The following L3MBTL1 variants were observed in gnomAD, a reference collection of about 807,000 sequenced individuals.
L3MBTL1 encodes L3MBTL histone methyl-lysine binding protein 1, also known as lethal(3)malignant brain tumor-like protein 1.
A neutral mutation model predicts 105.3 loss-of-function variants in L3MBTL1; 75 were observed. The ratio of observed to expected loss-of-function variants is 0.71; its 90% CI spans 0.59 to 0.86. The LOEUF is 0.86. L3MBTL1 is among the 40% of genes least tolerant of loss of function. The pLI is 0.00. For missense variants in L3MBTL1, 1,069 were observed against 1,126.4 expected, an observed-to-expected ratio of 0.95 and a Z score of 0.73; for synonymous variants, 452 against 436.2, an observed-to-expected ratio of 1.04 and a Z score of -0.45.
At chr20:43,519,212 C>A (rs1352012703) in intron 7 of L3MBTL1, among the ~76,000 whole-genome samples, 2 of 151,516 alleles carry the variant, frequency 1.3e-5, no homozygotes, top group Non-Finnish European at 1.5e-5. Context: ...TGTTGAGCAT[C>A]TGTGGTCCCA....
chr20:43,550,608 C>T (rs772436125), exon 19 of L3MBTL1: 1 of 152,278 alleles, frequency 6.6e-6, no homozygotes, highest in South Asian at 2.1e-4. Context: ...CCTCTGCCCT[C>T]CTAGCAACAG....
Position 43,541,166 on chromosome 20 carries a change from A to C in L3MBTL1, c.*38A>C, listed in dbSNP as rs1341632578. 6.3e-7 allele frequency: 1 copy of C among 1,594,126 alleles called. No individual in the cohort carries two copies. Among genetic ancestry groups the C allele is most frequent in the South Asian group, 1.1e-5 (1 of 89,346 alleles). ...TCCCCTTTAATCCAATATAGTTGAT[A>C]ATTAAAGTGTATTTTGAATGACACA... On this transcript the variant is annotated 3_prime_UTR_variant, in exon 22 of 22. Coordinates refer to ENST00000418998, the MANE Select transcript of L3MBTL1 (RefSeq NM_001377303.1).
exon 19 of L3MBTL1, chr20:43,549,948 T>G (rs1383267981): frequency 6.6e-6 from 1 of 152,336 alleles, no homozygotes; most frequent in South Asian, 2.1e-4. Context: ...GAGGAAGCCA[T>G]TCAGCTCCCA....
Position 43,522,457 on chromosome 20 carries a change from G to GTTTTTTTTTTTTTTTTTT in L3MBTL1, c.863-6186_863-6169dup, listed in dbSNP as rs1176856356. 2.8e-4 allele frequency among the ~76,000 whole-genome samples: 27 copies of GTTTTTTTTTTTTTTTTTT among 95,872 alleles called. 2 individuals carry two copies. The highest frequency in any genetic ancestry group is 7.5e-4 in the East Asian group (2 of 2,654). The allele number at this position is 95,872 out of a possible 152,430, so 62.9% of individuals were successfully genotyped here. A position where few individuals can be genotyped will look rare whatever the true frequency, so the allele number is the denominator to read the frequency against. On this transcript the variant is annotated intron_variant, in intron 7 of 21. Transcript: ENST00000418998. ...TGGTAACTGAATTTTTCCCTGCTAA[G>GTTTTTTTTTTTTTTTTTT]TTTTTTTTTTTTTTTTTTTTTTTTT...
exon 19 of L3MBTL1, chr20:43,548,249 G>T: frequency 1.5e-6 from 2 of 1,303,150 alleles, no homozygotes; most frequent in South Asian, 2.5e-5. Flanking sequence ...AAAGTGACTG[G>T]CCCAGGGCTG....
chr20:43,546,291 A>G (rs1272114874), downstream of L3MBTL1, among the ~76,000 whole-genome samples: 1 of 152,230 alleles, frequency 6.6e-6, no homozygotes, highest in Non-Finnish European at 1.5e-5. Flanking sequence ...GGGCAGGGCC[A>G]GGCTTGGGCA....
rs141344954 is a variant in L3MBTL1, at chr20:43,523,633, G to A, written c.863-5024G>A. On this transcript the variant is annotated intron_variant, in intron 7 of 21. Coordinates refer to ENST00000418998, the MANE Select transcript of L3MBTL1 (RefSeq NM_001377303.1). ...ACTATAGCAGGCCTGCATTTGCACC[G>A]CTCTCCTGAAGGTCTGTACTGGTCA... 388 of 207,976 alleles carry A rather than the reference G, an allele frequency of 1.9e-3. 5 individuals are homozygous for A. The highest frequency in any genetic ancestry group is 9.7e-3 in the East Asian group (88 of 9,060). The allele number at this position is 207,976 out of a possible 1,614,324, so 12.9% of individuals were successfully genotyped here.
chr20:43,513,464 T>G lies in L3MBTL1; in HGVS notation c.-28-12T>G. 6.5e-7 allele frequency: 1 copy of G among 1,546,138 alleles called. No homozygotes were observed. Among genetic ancestry groups the G allele is most frequent in the Non-Finnish European group, 8.7e-7 (1 of 1,144,288 alleles). On this transcript the variant is annotated splice_polypyrimidine_tract_variant and intron_variant, in intron 1 of 21. Coordinates refer to ENST00000418998, the MANE Select transcript of L3MBTL1 (RefSeq NM_001377303.1). ...CCACCTGATCACCCTGGGGGCTATG[T>G]TTGGCTTGTAGGCCTGCCAGGATGG...
chr20:43,511,154 G>A (rs2018125472), intron 1 of L3MBTL1, among the ~76,000 whole-genome samples: 1 of 152,144 alleles, frequency 6.6e-6, no homozygotes, highest in African/African-American at 2.4e-5. Flanking sequence ...CCGGGTTCAA[G>A]CGATTCTCCT....
chr20:43,514,602 G>A (rs1423124690), intron 3 of L3MBTL1, 33 bp from the exon 4 acceptor site: 1 of 1,599,310 alleles, frequency 6.3e-7, no homozygotes, highest in African/African-American at 1.3e-5. Flanking sequence ...ACCCGTACGG[G>A]AGTCGCAATC....
At chr20:43,510,939 G>C (rs551012641) in intron 1 of L3MBTL1, among the ~76,000 whole-genome samples, 1 of 152,198 alleles carries the variant, frequency 6.6e-6, no homozygotes, top group Non-Finnish European at 1.5e-5. Context: ...GCCTAGGCTG[G>C]TCTTGAACTC....
At chr20:43,516,869 C>T (rs548802050) in intron 7 of L3MBTL1, among the ~76,000 whole-genome samples, 1 of 151,954 alleles carries the variant, frequency 6.6e-6, no homozygotes, top group South Asian at 2.1e-4. Context: ...ACACAGCTCA[C>T]TGAAGCCTTG....
intron 7 of L3MBTL1, among the ~76,000 whole-genome samples, chr20:43,525,077 G>A (rs1381519084): frequency 1.3e-5 from 2 of 151,566 alleles, no homozygotes; most frequent in Non-Finnish European, 2.9e-5. Context: ...AGATAACTAG[G>A]AGTTGGAATC....
intron 7 of L3MBTL1, among the ~76,000 whole-genome samples, chr20:43,518,851 CAAAAAAAAA>C (rs34529936): frequency 3.9e-4 from 13 of 33,290 alleles, no homozygotes; most frequent in East Asian, 4.7e-3. Context: ...ACTAAAAATA[CAAAAAAAAA>C]AAAAAAAAAA....
chr20:43,514,591 G>A (rs1181505253), intron 3 of L3MBTL1, 44 bp from the exon 4 acceptor site: 2 of 1,598,966 alleles, frequency 1.3e-6, no homozygotes, highest in Non-Finnish European at 1.7e-6. Context: ...ATGGGTCAAG[G>A]ACCCGTACGG....
intron 8 of L3MBTL1, 151 bp downstream of exon 8, chr20:43,528,896 GA>G: frequency 1.5e-6 from 1 of 662,892 alleles, no homozygotes; most frequent in Non-Finnish European, 2.7e-6. Context: ...GCCCAGAGTG[GA>G]AAAGGGCCCC....
chr20:43,542,828 T>A (rs2019966741), downstream of L3MBTL1, among the ~76,000 whole-genome samples: 1 of 152,324 alleles, frequency 6.6e-6, no homozygotes, highest in South Asian at 2.1e-4. Flanking sequence ...TGTCATGTTT[T>A]TGAGGCTTCT....
chr20:43,530,961 T>G, intron 11 of L3MBTL1, 72 bp downstream of exon 11: 1 of 1,265,760 alleles, frequency 7.9e-7, no homozygotes, highest in Middle Eastern at 1.9e-4. Flanking sequence ...CCAGGGTATC[T>G]GACTCATCAG....
intron 7 of L3MBTL1, among the ~76,000 whole-genome samples, chr20:43,516,716 T>G (rs544962184): frequency 6.6e-6 from 1 of 152,334 alleles, no homozygotes; most frequent in Non-Finnish European, 1.5e-5. Flanking sequence ...GCAGTTTGTT[T>G]AATGTCTCTC....
Sources: allele counts gnomAD v4.1 joint callset (sites outside exome capture counted in the v4.1 genomes callset), GRCh38; gene constraint gnomAD v4.1.1; transcripts MANE v1.5; gene names NCBI Gene and HGNC (gene_info 2026-07-23, HGNC 2026-07-21).